MYO9B: variants seen among roughly 807,000 people sequenced by gnomAD.
The protein encoded by MYO9B is myosin IXB.
MYO9B carries 71 observed loss-of-function variants against 229.5 expected under a neutral mutation model. The observed-to-expected ratio is 0.31, with a 90% CI of 0.26 to 0.38. MYO9B has a LOEUF of 0.38. Ranked by LOEUF, MYO9B falls within the 10% of genes least tolerant of loss-of-function variation. MYO9B has a pLI of 1.00. For missense variants in MYO9B, 2,255 were observed against 2,920.5 expected (o/e 0.77, Z 5.25); for synonymous variants, 1,185 against 1,235.8 (o/e 0.96, Z 0.86).
intron 2 of MYO9B, among the ~76,000 whole-genome samples, chr19:17,125,452 A>G (rs958991888): frequency 6.6e-6 from 1 of 152,202 alleles, no homozygotes; most frequent in Non-Finnish European, 1.5e-5. Context: ...TGGTTTCGTG[A>G]TAACCTAAAC....
At chr19:17,125,481 G>A (rs1270035195) in intron 2 of MYO9B, among the ~76,000 whole-genome samples, 5 of 152,132 alleles carry the variant, frequency 3.3e-5, no homozygotes, top group Non-Finnish European at 7.3e-5. Context: ...AGTGACATAT[G>A]TAAGATTTCA....
chr19:17,194,495 CAGTG>C, intron 21 of MYO9B, 57 bp from the exon 22 acceptor site: 1 of 1,563,502 alleles, frequency 6.4e-7, no homozygotes, highest in East Asian at 2.3e-5. Context: ...CATCGGAACT[CAGTG>C]GGAGGTGGAG....
intron 18 of MYO9B, among the ~76,000 whole-genome samples, 176 bp downstream of exon 18, chr19:17,186,177 A>G (rs955092696): frequency 6.6e-6 from 1 of 152,156 alleles, no homozygotes; most frequent in African/African-American, 2.4e-5. Context: ...GCCATTTAAG[A>G]GCAGGGACAT....
At chr19:17,167,832 A>T (rs758451374) in intron 10 of MYO9B, 111 bp from the exon 11 acceptor site, 138 of 1,392,440 alleles carry the variant, frequency 9.9e-5, no homozygotes, top group Non-Finnish European at 1.3e-4. Flanking sequence ...CCTATTTTGA[A>T]GCATTTCAGA....
At chr19:17,167,894 T>A (rs1243157199) in intron 10 of MYO9B, 49 bp from the exon 11 acceptor site, 1 of 1,545,088 alleles carries the variant, frequency 6.5e-7, no homozygotes, top group African/African-American at 1.4e-5. Context: ...ATGTAGATAT[T>A]ACATATCTGG....
chr19:17,160,589 C>T (rs762254462), intron 8 of MYO9B, among the ~76,000 whole-genome samples: 7 of 150,002 alleles, frequency 4.7e-5, no homozygotes, highest in Non-Finnish European at 8.8e-5. Flanking sequence ...CTCACTGCAA[C>T]CTCTGCCTCC....
intron 2 of MYO9B, among the ~76,000 whole-genome samples, chr19:17,111,496 A>G (rs1215542396): frequency 2.0e-5 from 3 of 152,190 alleles, no homozygotes; most frequent in East Asian, 1.9e-4. Flanking sequence ...ATTAAATTAT[A>G]TCTGCAGCCT....
chr19:17,077,761 A>G (rs2057499917), intron 1 of MYO9B, among the ~76,000 whole-genome samples: 2 of 150,602 alleles, frequency 1.3e-5, no homozygotes, highest in Admixed American at 6.6e-5. Flanking sequence ...CAGCACCCCC[A>G]CTCTCCATTC....
At position 17,181,010 on chromosome 19, in the gene MYO9B, G is replaced by A. The variant is rs1424778959; in HGVS notation, c.2303G>A (p.Ser768Asn). ...EDPRSLLQSLSRLQKPRAFIL... is the reference protein window; with the variant it reads ...EDPRSLLQSLNRLQKPRAFIL... ...CCCCGTAGCCTTCTCCAGTCCCTCA[G>A]TCGGCTCCAGAAACCCCGCGCCTTC... The change falls in exon 15 of 40, where the codon AGT becomes AAT. Residue 768 changes from serine to asparagine, a missense_variant. Coordinates refer to ENST00000682292, the MANE Select transcript of MYO9B (RefSeq NM_004145.4). 2 of 1,610,706 alleles carry A rather than the reference G, an allele frequency of 1.2e-6. No homozygotes were observed. The highest frequency in any genetic ancestry group is 1.3e-5 in the African/African-American group (1 of 74,964).
intron 2 of MYO9B, among the ~76,000 whole-genome samples, chr19:17,128,531 C>G (rs1257457614): frequency 1.3e-5 from 2 of 152,268 alleles, no homozygotes; most frequent in Admixed American, 1.3e-4. Context: ...CCCCCGGTCC[C>G]TCAGGCGTCC....
At chr19:17,083,172 ACTACAGG>A (rs2057550098) in intron 1 of MYO9B, among the ~76,000 whole-genome samples, 1 of 151,102 alleles carries the variant, frequency 6.6e-6, no homozygotes, top group African/African-American at 2.4e-5. Flanking sequence ...GTAGCTTGGG[ACTACAGG>A]CTGTCACCAC....
At chr19:17,202,959 A>G (rs775951144) in intron 29 of MYO9B, 76 bp downstream of exon 29, 19 of 1,529,544 alleles carry the variant, frequency 1.2e-5, no homozygotes, top group East Asian at 2.4e-5. Context: ...GTCAGTGTCA[A>G]TGTGCGCATG....
intron 1 of MYO9B, among the ~76,000 whole-genome samples, chr19:17,100,051 G>A (rs1357856709): frequency 1.8e-4 from 28 of 151,406 alleles, no homozygotes; most frequent in African/African-American, 6.8e-4. Flanking sequence ...GAACCCAGGA[G>A]GTGGAGGTTG....
intron 2 of MYO9B, among the ~76,000 whole-genome samples, chr19:17,129,747 A>G (rs1387240285): frequency 1.3e-5 from 2 of 152,176 alleles, no homozygotes; most frequent in Non-Finnish European, 2.9e-5. Flanking sequence ...TCCTCACCAC[A>G]GGTCATGATA....
At position 17,196,120 on chromosome 19, in the gene MYO9B, A is replaced by G. The variant is rs1024458792; in HGVS notation, c.4046+647A>G. 1.6e-4 allele frequency among the ~76,000 whole-genome samples: 16 copies of G among 98,674 alleles called. 1 individual carries two copies. Among genetic ancestry groups the G allele is most frequent in the South Asian group, 8.4e-4 (2 of 2,376 alleles). 64.7% of individuals were successfully genotyped at this position (98,674 alleles called of 152,430 possible). On this transcript the variant is annotated intron_variant, in intron 22 of 39. Transcript: ENST00000682292. ...ATGATGGATGGAGGGAGGGAGGGAG[A>G]GAGAGAGAGAGGGAAGGATGTGTGG...
At chr19:17,124,629 G>A (rs985200736) in intron 2 of MYO9B, among the ~76,000 whole-genome samples, 2 of 151,352 alleles carry the variant, frequency 1.3e-5, no homozygotes, top group Non-Finnish European at 2.9e-5. Context: ...AAAATTAGCC[G>A]GGCACCTGTA....
chr19:17,168,667 C>T (rs1410774922), intron 11 of MYO9B, among the ~76,000 whole-genome samples: 1 of 152,204 alleles, frequency 6.6e-6, no homozygotes, highest in Non-Finnish European at 1.5e-5. Flanking sequence ...CGTGGTGGGG[C>T]ATACCTGTGG....
chr19:17,184,800 G>T, intron 16 of MYO9B, 65 bp from the exon 17 acceptor site: 2 of 1,605,542 alleles, frequency 1.2e-6, no homozygotes, highest in Non-Finnish European at 1.7e-6. Context: ...GGGGACACCT[G>T]TGATGCCTCC....
At chr19:17,167,373 TC>T (rs2072670828) in intron 10 of MYO9B, among the ~76,000 whole-genome samples, 1 of 152,002 alleles carries the variant, frequency 6.6e-6, no homozygotes, top group African/African-American at 2.4e-5. Flanking sequence ...CCTCAAGCGA[TC>T]CTACCACCTT....
Sources: allele counts gnomAD v4.1 joint callset (sites outside exome capture counted in the v4.1 genomes callset), GRCh38; gene constraint gnomAD v4.1.1; transcripts MANE v1.5; gene names NCBI Gene and HGNC (gene_info 2026-07-23, HGNC 2026-07-21).